Variants in BIRC3 observed in about 807,000 individuals in gnomAD.
BIRC3 encodes the protein baculoviral IAP repeat containing 3.
A neutral mutation model predicts 59.0 loss-of-function variants in BIRC3; 26 were observed. That is an observed-to-expected ratio of 0.44 (90% CI 0.32 to 0.61). BIRC3 has a LOEUF of 0.61. Ranked by LOEUF, BIRC3 falls within the 20% of genes least tolerant of loss-of-function variation. The pLI is 0.04. For missense variants in BIRC3, 641 were observed against 711.5 expected, an observed-to-expected ratio of 0.90 and a Z score of 1.13; for synonymous variants, 243 against 249.2, an observed-to-expected ratio of 0.98 and a Z score of 0.24.
rs1951041843 is a variant in BIRC3, at chr11:102,322,586, T to C, written c.-1924T>C. The C allele has an allele frequency of 4.9e-6, 1 of 205,710 alleles. No individual in the cohort carries two copies. The allele number at this position is 205,710 out of a possible 1,614,324, so 12.7% of individuals were successfully genotyped here. On this transcript the variant is annotated 5_prime_UTR_variant, in exon 2 of 9. Transcript: ENST00000263464. Reference sequence around the variant, plus strand: ...GTGATGAATACAAAGAAGATTTTTATAACAATGTGTAAAATTTTTGGCCAG... The same window carrying C: ...GTGATGAATACAAAGAAGATTTTTACAACAATGTGTAAAATTTTTGGCCAG...
intron 3 of BIRC3, among the ~76,000 whole-genome samples, chr11:102,326,434 C>T (rs1437711569): frequency 6.6e-6 from 1 of 152,154 alleles, no homozygotes; most frequent in African/African-American, 2.4e-5. Context: ...TCCTGATTAG[C>T]TTGCAAGTGT....
chr11:102,329,496 G>A (rs932643636), intron 5 of BIRC3, among the ~76,000 whole-genome samples: 5 of 152,012 alleles, frequency 3.3e-5, no homozygotes, highest in African/African-American at 7.3e-5. Context: ...ATTGTATATC[G>A]CCTGTTCTGA....
Position 102,336,835 on chromosome 11 carries a change from C to T in BIRC3, c.1621+34C>T, listed in dbSNP as rs1565325867. 3.2e-6 allele frequency: 5 copies of T among 1,585,856 alleles called. No homozygotes were observed. The South Asian group carries it at 5.8e-5, about 18-fold the overall frequency. ...ACTAATATTTTAAATCAATAGAGAA[C>T]ATTGTCTTTATTTTCTTAGTTTTTC... is the stretch of plus-strand genomic sequence containing the variant. On this transcript the variant is annotated intron_variant, in intron 8 of 8. Coordinates refer to ENST00000263464, the MANE Select transcript of BIRC3 (RefSeq NM_001165.5).
Position 102,337,193 on chromosome 11 carries a change from T to A in BIRC3, c.*91T>A. On this transcript the variant is annotated 3_prime_UTR_variant, in exon 9 of 9. Transcript: ENST00000263464. The stretch of plus-strand genomic sequence containing the variant: ...TATCCTAATTTGGTTTCCTTAAAAT[T>A]TTTATTTATTTACAACTCAAAAAAC... The A allele has an allele frequency of 2.1e-6, 2 of 975,390 alleles. No individual in the cohort carries two copies. Among genetic ancestry groups the A allele is most frequent in the Non-Finnish European group, 1.4e-6 (1 of 724,372 alleles). The allele number at this position is 975,390 out of a possible 1,614,324, so 60.4% of individuals were successfully genotyped here. A position where few individuals can be genotyped will look rare whatever the true frequency, so the allele number is the denominator to read the frequency against.
At chr11:102,318,474 A>G (rs1950996233) in intron 1 of BIRC3, among the ~76,000 whole-genome samples, 1 of 152,202 alleles carries the variant, frequency 6.6e-6, no homozygotes. Context: ...CTTCGTGTCT[A>G]CCCCATATAC....
In BIRC3 at chr11:102,336,931, G is replaced by A. The variant is rs756273896; in HGVS notation, c.1644G>A (p.Leu548=). 1 of 1,602,102 alleles carries A rather than the reference G, an allele frequency of 6.2e-7. No individual in the cohort carries two copies. The highest frequency in any genetic ancestry group is 1.1e-5 in the South Asian group (1 of 87,380). ...DVSDLPVEEQ[L]RRLQEERTCK... is the part of the protein sequence containing the mutation. Reference sequence around the variant, plus strand: ...TAGATCTACCAGTGGAAGAACAATTGCGGAGACTACAAGAAGAAAGAACAT... The same window carrying A: ...TAGATCTACCAGTGGAAGAACAATTACGGAGACTACAAGAAGAAAGAACAT... Residue 548 remains leucine (L), a synonymous_variant, in exon 9 of 9, where the codon TTG becomes TTA. Transcript: ENST00000263464.
intron 5 of BIRC3, among the ~76,000 whole-genome samples, chr11:102,329,297 A>G (rs1214382475): frequency 9.2e-5 from 14 of 152,196 alleles, no homozygotes; most frequent in Admixed American, 9.2e-4. Context: ...GATTGCTCAC[A>G]TATTCTTTCT....
At chr11:102,328,647 T>C (rs1009421744) in intron 4 of BIRC3, among the ~76,000 whole-genome samples, 1 of 152,164 alleles carries the variant, frequency 6.6e-6, no homozygotes, top group Non-Finnish European at 1.5e-5. Flanking sequence ...GTCCGTTTCC[T>C]GCCTTAATGA....
chr11:102,325,424 A>C, intron 2 of BIRC3, 42 bp from the exon 3 acceptor site: 1 of 1,598,270 alleles, frequency 6.3e-7, no homozygotes, highest in African/African-American at 1.3e-5. Flanking sequence ...TTAGTGGGCA[A>C]ATTATGTGTA....
intron 6 of BIRC3, 59 bp from the exon 7 acceptor site, chr11:102,335,907 G>C: frequency 6.6e-7 from 1 of 1,518,046 alleles, no homozygotes; most frequent in Non-Finnish European, 8.9e-7. Context: ...ATATAGGACT[G>C]GAAGGAAGTT....
intron 4 of BIRC3, 39 bp from the exon 5 acceptor site, chr11:102,328,858 T>TTATATA (rs35083591): frequency 1.7e-5 from 10 of 605,882 alleles, no homozygotes; most frequent in Non-Finnish European, 2.3e-5. Context: ...CTATTTTAAT[T>TTATATA]TATATATATA....
chr11:102,333,857 T>C (rs1349792362), intron 6 of BIRC3, among the ~76,000 whole-genome samples: 1 of 152,148 alleles, frequency 6.6e-6, no homozygotes, highest in African/African-American at 2.4e-5. Context: ...TCCTAACACC[T>C]TGGGAGGCTG....
intron 3 of BIRC3, among the ~76,000 whole-genome samples, chr11:102,326,140 T>G (rs959742349): frequency 1.3e-4 from 20 of 152,150 alleles, no homozygotes; most frequent in African/African-American, 4.8e-4. Context: ...GTGCATAAAA[T>G]CAGTTGAACA....
intron 5 of BIRC3, among the ~76,000 whole-genome samples, chr11:102,330,074 T>C (rs564779219): frequency 6.6e-6 from 1 of 152,108 alleles, no homozygotes; most frequent in South Asian, 2.1e-4. Flanking sequence ...TGAGAGTGCA[T>C]ATAGGACAAT....
chr11:102,319,043 ATTT>A (rs35835532), intron 1 of BIRC3, among the ~76,000 whole-genome samples: 3 of 131,586 alleles, frequency 2.3e-5, no homozygotes, highest in Admixed American at 7.9e-5. Context: ...TTGAAAGAGG[ATTT>A]TTTTTTTTTT....
At position 102,322,366 on chromosome 11, in the gene BIRC3, A is replaced by C. The variant is rs1951039101; in HGVS notation, c.-2144A>C. ...ACAAAGCTTTTTGATATGTGCAACA[A>C]ATTTAGAGGAAGTAAAAAGATAAAT... is the stretch of plus-strand genomic sequence containing the variant. On this transcript the variant is annotated 5_prime_UTR_variant, in exon 2 of 9. Transcript: ENST00000263464. 4.9e-6 allele frequency: 1 copy of C among 206,116 alleles called. No individual in the cohort carries two copies. The highest frequency in any genetic ancestry group is 2.3e-5 in the African/African-American group (1 of 43,874). The allele number at this position is 206,116 out of a possible 1,614,324, so 12.8% of individuals were successfully genotyped here.
chr11:102,326,734 G>T (rs1286057710), intron 3 of BIRC3: 1 of 454,850 alleles, frequency 2.2e-6, no homozygotes, highest in Admixed American at 2.3e-5. Context: ...TTGAGATGGA[G>T]CCTGGCTCTG....
chr11:102,336,804 A>G lies in BIRC3; in HGVS notation c.1621+3A>G, dbSNP rs763544566. Reference sequence around the variant, plus strand: ...TATTCCCACAGAAGATGTTTCAGGTAATAGTACTAATATTTTAAATCAATA... The same window carrying G: ...TATTCCCACAGAAGATGTTTCAGGTGATAGTACTAATATTTTAAATCAATA... On this transcript the variant is annotated splice_donor_region_variant and intron_variant, in intron 8 of 8. Coordinates refer to ENST00000263464, the MANE Select transcript of BIRC3 (RefSeq NM_001165.5). The G allele has an allele frequency of 6.9e-6, 11 of 1,604,278 alleles. No individual in the cohort carries two copies. Among genetic ancestry groups the G allele is most frequent in the South Asian group, 1.1e-5 (1 of 88,812 alleles).
Position 102,323,546 on chromosome 11 carries a change from T to A in BIRC3, c.-964T>A. ...ATTTATTTTAAATAGAATATTTAAT[T>A]GTGTAAGATCTAATAGTATCATTAT... On this transcript the variant is annotated 5_prime_UTR_variant, in exon 2 of 9. Transcript: ENST00000263464. 5.3e-6 allele frequency: 1 copy of A among 187,852 alleles called. No individual in the cohort carries two copies. Among genetic ancestry groups the A allele is most frequent in the Middle Eastern group, 2.0e-3 (1 of 510 alleles). 11.6% of individuals were successfully genotyped at this position (187,852 alleles called of 1,614,324 possible).
Sources: gnomAD v4.1 joint callset for allele counts (sites outside exome capture counted in the v4.1 genomes callset) on GRCh38, gnomAD v4.1.1 for gene constraint, MANE v1.5 for transcripts, NCBI Gene and HGNC (gene_info 2026-07-23, HGNC 2026-07-21) for gene names.